Variants in FABP7 observed in about 807,000 individuals in gnomAD.
FABP7 encodes the protein fatty acid-binding protein, brain.
In FABP7, 13 loss-of-function variants were observed where a neutral mutation model predicts 14.2. That is an observed-to-expected ratio of 0.91 (90% CI 0.59 to 1.45). The LOEUF (loss-of-function observed/expected upper bound fraction) is 1.45, where lower values mean the gene tolerates loss of function less well. Ranked by LOEUF, FABP7 falls within the 40% of genes most tolerant of loss-of-function variation. The pLI, the probability that FABP7 is intolerant of heterozygous loss-of-function variation, is 0.00. For missense variants in FABP7, 149 were observed against 157.6 expected, an observed-to-expected ratio of 0.95 and a Z score of 0.29; for synonymous variants, 49 against 51.4, an observed-to-expected ratio of 0.95 and a Z score of 0.20.
At chr6:122,780,154 A>T in intron 1 of FABP7, 137 bp from the exon 2 acceptor site, 1 of 965,892 alleles carries the variant, frequency 1.0e-6, no homozygotes, top group Non-Finnish European at 1.6e-6. Context: ...GTAGTGTTTT[A>T]CATGATTAAT....
chr6:122,781,880 C>T, intron 3 of FABP7: 1 of 399,534 alleles, frequency 2.5e-6, no homozygotes, highest in Non-Finnish European at 3.4e-6. Context: ...TAGCTGGGAC[C>T]ACAGGTGCAA....
intron 3 of FABP7, chr6:122,781,807 T>C (rs1444231263): frequency 1.5e-6 from 1 of 688,786 alleles, no homozygotes; most frequent in Non-Finnish European, 1.8e-6. Flanking sequence ...GGGGGTGCAT[T>C]CTTGGCTCAC....
chr6:122,750,645 T>C, the FABP7 span, among the ~76,000 whole-genome samples: 1 of 152,216 alleles, frequency 6.6e-6, no homozygotes, highest in African/African-American at 2.4e-5. Context: ...TTTAATGGTA[T>C]GTGAGCCTTA....
At chr6:122,778,491 TG>T (rs2115141015), upstream of FABP7, among the ~76,000 whole-genome samples, 1 of 152,216 alleles carries the variant, frequency 6.6e-6, no homozygotes, top group East Asian at 1.9e-4. Flanking sequence ...AGAAATGTGC[TG>T]GGCTGCAGTT....
chr6:122,780,583 A>G, intron 2 of FABP7, 120 bp downstream of exon 2: 1 of 1,087,950 alleles, frequency 9.2e-7, no homozygotes, highest in South Asian at 1.5e-5. Flanking sequence ...ATTTCAATCC[A>G]AGGAGAAATA....
At chr6:122,756,207 G>T in the FABP7 span, among the ~76,000 whole-genome samples, 1 of 151,966 alleles carries the variant, frequency 6.6e-6, no homozygotes, top group Non-Finnish European at 1.5e-5. Flanking sequence ...CTTTGCCCTG[G>T]GGTAAGAACC....
the FABP7 span, among the ~76,000 whole-genome samples, chr6:122,760,427 A>G: frequency 3.3e-5 from 5 of 151,986 alleles, no homozygotes; most frequent in African/African-American, 1.2e-4. Flanking sequence ...ATGTGACTTT[A>G]TATTTATAGT....
chr6:122,773,852 A>C, the FABP7 span, among the ~76,000 whole-genome samples: 13 of 152,146 alleles, frequency 8.5e-5, no homozygotes, highest in African/African-American at 3.1e-4. Flanking sequence ...CTCCTAAAGC[A>C]ACTTATCTTT....
Position 122,781,241 on chromosome 6 carries a change from C to A in FABP7, c.348+47C>A, listed in dbSNP as rs188839950. The A allele has an allele frequency of 3.6e-3, 5,731 of 1,597,644 alleles. 8 individuals carry two copies. The highest frequency in any genetic ancestry group is 4.4e-3 in the Non-Finnish European group (5,148 of 1,168,492). ...TTCTTCCTTGTTTTTTTCTCCTCTC[C>A]GCACACCTCTCACCTCCTTCCTTCT... is the stretch of plus-strand genomic sequence containing the variant. On this transcript the variant is annotated intron_variant, in intron 3 of 3. Transcript: ENST00000368444.
chr6:122,782,284 A>C (rs1428933073), intron 3 of FABP7: 1 of 815,914 alleles, frequency 1.2e-6, no homozygotes, highest in Non-Finnish European at 1.5e-6. Context: ...GAATTTTCTC[A>C]GTTCTGAAAG....
At chr6:122,775,799 C>T (rs556414647), upstream of FABP7, among the ~76,000 whole-genome samples, 12 of 151,474 alleles carry the variant, frequency 7.9e-5, no homozygotes, top group Non-Finnish European at 7.4e-5. Flanking sequence ...CAAGGGAAGA[C>T]GTAAGAGATT....
chr6:122,751,767 A>G, the FABP7 span, among the ~76,000 whole-genome samples: 1 of 152,140 alleles, frequency 6.6e-6, no homozygotes, highest in Admixed American at 6.6e-5. Flanking sequence ...TCTACCTTGT[A>G]CACCTATTTC....
At chr6:122,759,712 C>A in the FABP7 span, among the ~76,000 whole-genome samples, 1 of 152,138 alleles carries the variant, frequency 6.6e-6, no homozygotes, top group Non-Finnish European at 1.5e-5. Flanking sequence ...CAGGATTTAG[C>A]CCCTGGCAGT....
At chr6:122,773,899 C>CA in the FABP7 span, among the ~76,000 whole-genome samples, 1 of 150,884 alleles carries the variant, frequency 6.6e-6, no homozygotes, top group East Asian at 1.9e-4. Flanking sequence ...AAAAAACAAA[C>CA]AAACAGGTCT....
the FABP7 span, among the ~76,000 whole-genome samples, chr6:122,752,544 G>C: frequency 6.6e-6 from 1 of 152,206 alleles, no homozygotes; most frequent in Non-Finnish European, 1.5e-5. Flanking sequence ...ATATTGGCAT[G>C]ATGCTGGCTG....
At chr6:122,765,048 A>T in the FABP7 span, among the ~76,000 whole-genome samples, 1 of 152,184 alleles carries the variant, frequency 6.6e-6, no homozygotes, top group East Asian at 1.9e-4. Context: ...CAGTTGATTG[A>T]TTTTCAAAGA....
At chr6:122,770,487 G>A in the FABP7 span, among the ~76,000 whole-genome samples, 15 of 152,144 alleles carry the variant, frequency 9.9e-5, no homozygotes, top group East Asian at 1.5e-3. Flanking sequence ...GTCCTACTTA[G>A]TACTTAGCAC....
chr6:122,783,243 G>A, intron 3 of FABP7: 1 of 985,396 alleles, frequency 1.0e-6, no homozygotes, highest in Non-Finnish European at 1.2e-6. Flanking sequence ...GAGAATATTT[G>A]TACCTTTACA....
the FABP7 span, among the ~76,000 whole-genome samples, chr6:122,771,961 A>T: frequency 1.3e-5 from 2 of 152,242 alleles, no homozygotes; most frequent in Non-Finnish European, 2.9e-5. Context: ...CGTAGAGCAC[A>T]ATGCATAATA....
Sources: gnomAD v4.1 joint callset for allele counts (sites outside exome capture counted in the v4.1 genomes callset) on GRCh38, gnomAD v4.1.1 for gene constraint, MANE v1.5 for transcripts, NCBI Gene and HGNC (gene_info 2026-07-23, HGNC 2026-07-21) for gene names.